The following TSNARE1 variants were observed in gnomAD, a reference collection of about 807,000 sequenced individuals.
TSNARE1 encodes the protein t-SNARE domain-containing protein 1.
In TSNARE1, 49 loss-of-function variants were observed where a neutral mutation model predicts 62.0. The ratio of observed to expected loss-of-function variants is 0.79; its 90% CI spans 0.63 to 1.00. The LOEUF (loss-of-function observed/expected upper bound fraction) is 1.00, where lower values mean the gene tolerates loss of function less well. Ranked by LOEUF, TSNARE1 falls within the 50% of genes least tolerant of loss-of-function variation. The pLI is 0.00. For synonymous variants in TSNARE1, 328 were observed against 294.4 expected, an observed-to-expected ratio of 1.11 and a Z score of -1.17; for missense variants, 755 against 700.1, an observed-to-expected ratio of 1.08 and a Z score of -0.88.
chr8:142,276,475 A>G (rs2130655148), intron 11 of TSNARE1: 1 of 985,466 alleles, frequency 1.0e-6, no homozygotes, highest in Non-Finnish European at 1.2e-6. Flanking sequence ...TTACACCTGC[A>G]GTGGTAACAG....
At chr8:142,273,008 T>C (rs1051361840) in intron 12 of TSNARE1, 1 of 985,332 alleles carries the variant, frequency 1.0e-6, no homozygotes, top group Non-Finnish European at 1.2e-6. Context: ...TGGGACAGTC[T>C]ATGCAGAGGT....
chr8:142,309,387 G>C (rs746980309), intron 9 of TSNARE1, among the ~76,000 whole-genome samples: 2 of 152,194 alleles, frequency 1.3e-5, no homozygotes, highest in Non-Finnish European at 2.9e-5. Context: ...AACGTTAACT[G>C]TAGGGTTTTT....
chr8:142,389,212 C>G (rs988982503), intron 1 of TSNARE1, among the ~76,000 whole-genome samples: 15 of 152,184 alleles, frequency 9.9e-5, no homozygotes, highest in Non-Finnish European at 1.5e-4. Flanking sequence ...AGAAGAATAA[C>G]AGTGGACACA....
intron 1 of TSNARE1, among the ~76,000 whole-genome samples, chr8:142,371,603 G>T (rs1835919585): frequency 6.6e-6 from 1 of 152,174 alleles, no homozygotes; most frequent in Admixed American, 6.5e-5. Context: ...CTTGTGAGGA[G>T]GTATCGGGCT....
chr8:142,266,997 T>C (rs1006140552), intron 12 of TSNARE1, among the ~76,000 whole-genome samples: 3 of 152,264 alleles, frequency 2.0e-5, no homozygotes, highest in African/African-American at 4.8e-5. Context: ...GCCATACTGA[T>C]ATTTCACAGA....
chr8:142,368,733 C>T (rs554599734), intron 1 of TSNARE1, among the ~76,000 whole-genome samples: 7 of 152,236 alleles, frequency 4.6e-5, no homozygotes, highest in Admixed American at 3.9e-4. Flanking sequence ...GGCAGACGGG[C>T]GGCCCTGCAG....
intron 11 of TSNARE1, among the ~76,000 whole-genome samples, chr8:142,281,945 C>T (rs1821556044): frequency 6.6e-6 from 1 of 152,224 alleles, no homozygotes; most frequent in Admixed American, 6.5e-5. Flanking sequence ...GGTAGGGCTT[C>T]TCCTGGGGAC....
intron 1 of TSNARE1, among the ~76,000 whole-genome samples, chr8:142,386,517 T>C (rs930421829): frequency 2.0e-5 from 3 of 152,000 alleles, no homozygotes; most frequent in Admixed American, 2.0e-4. Context: ...TATCAATAAA[T>C]GTACATTAGT....
intron 1 of TSNARE1, among the ~76,000 whole-genome samples, chr8:142,397,543 G>C (rs946820596): frequency 2.4e-4 from 37 of 152,170 alleles, no homozygotes; most frequent in Non-Finnish European, 2.1e-4. Context: ...TGTTACGTAA[G>C]TCAGGGCTGG....
At chr8:142,227,315 C>T (rs187787285) in intron 13 of TSNARE1, among the ~76,000 whole-genome samples, 4 of 129,680 alleles carry the variant, frequency 3.1e-5, no homozygotes, top group Non-Finnish European at 5.9e-5. Context: ...CCCTTCCTGC[C>T]CACAACTCCA....
At chr8:142,376,093 C>A (rs1836315524) in intron 1 of TSNARE1, among the ~76,000 whole-genome samples, 1 of 152,248 alleles carries the variant, frequency 6.6e-6, no homozygotes, top group Admixed American at 6.5e-5. Flanking sequence ...AGAGTCCGCG[C>A]CTCCCTGACC....
intron 13 of TSNARE1, among the ~76,000 whole-genome samples, chr8:142,225,142 C>T (rs1052050694): frequency 1.3e-5 from 2 of 151,338 alleles, no homozygotes; most frequent in African/African-American, 2.4e-5. Context: ...CCGATGGTTG[C>T]CCTGCCTCCC....
intron 12 of TSNARE1, chr8:142,271,678 G>A (rs1179401782): frequency 1.7e-5 from 23 of 1,381,626 alleles, no homozygotes; most frequent in African/African-American, 7.5e-5. Flanking sequence ...TGGGGGTCTC[G>A]TCCTCCTCAT....
chr8:142,283,248 G>A (rs373867131), intron 11 of TSNARE1, among the ~76,000 whole-genome samples: 15 of 151,046 alleles, frequency 9.9e-5, no homozygotes, highest in South Asian at 6.3e-4. Context: ...GAGCAGAGGC[G>A]GGGTCAGTGT....
chr8:142,276,343 A>T (rs571214706), intron 11 of TSNARE1: 170 of 985,350 alleles, frequency 1.7e-4, no homozygotes, highest in Non-Finnish European at 2.0e-4. Context: ...AGAGGGAAGG[A>T]AGATGGGGCC....
intron 8 of TSNARE1, 26 bp from the exon 9 acceptor site, chr8:142,314,466 A>C (rs1239365889): frequency 1.2e-6 from 2 of 1,608,828 alleles, no homozygotes; most frequent in Non-Finnish European, 1.7e-6. Context: ...CAAGAGAAGA[A>C]AGACAGGAAG....
intron 10 of TSNARE1, among the ~76,000 whole-genome samples, chr8:142,292,654 A>G (rs1273940178): frequency 6.6e-6 from 1 of 152,118 alleles, no homozygotes; most frequent in Non-Finnish European, 1.5e-5. Flanking sequence ...CAAGGTCACC[A>G]GTGGGGTGAG....
At chr8:142,227,293 ACAGCCAGGACCCCC>A (rs1816866137) in intron 13 of TSNARE1, among the ~76,000 whole-genome samples, 3 of 146,002 alleles carry the variant, frequency 2.1e-5, no homozygotes, top group African/African-American at 8.2e-5. Flanking sequence ...CACAACAGTG[ACAGCCAGGACCCCC>A]TTCCTGCCCA....
intron 1 of TSNARE1, among the ~76,000 whole-genome samples, chr8:142,397,514 T>C (rs927911239): frequency 5.9e-5 from 9 of 152,170 alleles, no homozygotes; most frequent in Non-Finnish European, 8.8e-5. Flanking sequence ...GATGTGGCAA[T>C]GCTGTGTCCC....
Sources: allele counts gnomAD v4.1 joint callset (sites outside exome capture counted in the v4.1 genomes callset), GRCh38; gene constraint gnomAD v4.1.1; transcripts MANE v1.5; gene names NCBI Gene and HGNC (gene_info 2026-07-23, HGNC 2026-07-21).